The following OVCH1 variants were observed in gnomAD, a reference collection of about 807,000 sequenced individuals.
The protein encoded by OVCH1 is ovochymase 1, also known as ovochymase-1.
Under a neutral mutation model 138.4 loss-of-function variants are expected in OVCH1, and 139 were observed. The ratio of observed to expected loss-of-function variants is 1.00; its 90% CI spans 0.87 to 1.16. OVCH1 has a LOEUF of 1.16. OVCH1 is among the 50% of genes most tolerant of loss of function. The probability of loss-of-function intolerance (pLI) is 0.00; values close to 1 mark genes in which losing one functional copy is unlikely to be tolerated. For missense variants in OVCH1, 1,367 were observed against 1,357.9 expected, an observed-to-expected ratio of 1.01 and a Z score of -0.11; for synonymous variants, 453 against 467.8, an observed-to-expected ratio of 0.97 and a Z score of 0.41.
At chr12:29,420,483 C>CTTTTTTTTT (rs958610211) in intron 3 of OVCH1, among the ~76,000 whole-genome samples, 1 of 19,008 alleles carries the variant, frequency 5.3e-5, no homozygotes, top group African/African-American at 2.6e-4. Flanking sequence ...GAAAAAGCAG[C>CTTTTTTTTT]TTTTTTTTTT....
downstream of OVCH1, among the ~76,000 whole-genome samples, chr12:29,411,700 T>G (rs1483355636): frequency 3.3e-5 from 5 of 152,188 alleles, no homozygotes; most frequent in African/African-American, 1.2e-4. Flanking sequence ...GTGTGAAGTG[T>G]CAGTCTGCCC....
chr12:29,436,960 T>G (rs960743700), intron 26 of OVCH1, among the ~76,000 whole-genome samples: 2 of 152,176 alleles, frequency 1.3e-5, no homozygotes, highest in Non-Finnish European at 2.9e-5. Context: ...CAGCTTTTAT[T>G]CCCTTATCTG....
At chr12:29,437,110 G>T (rs147942261) in intron 26 of OVCH1, among the ~76,000 whole-genome samples, 3 of 152,098 alleles carry the variant, frequency 2.0e-5, no homozygotes, top group African/African-American at 7.2e-5. Context: ...GTGCTCATTG[G>T]TGCGTTTACA....
downstream of OVCH1, among the ~76,000 whole-genome samples, chr12:29,410,706 G>T (rs1301856000): frequency 6.6e-6 from 1 of 151,782 alleles, no homozygotes; most frequent in Non-Finnish European, 1.5e-5. Context: ...GCTTCCCTTT[G>T]TGGGTAACCC....
chr12:29,416,614 A>G (rs934475458), intron 3 of OVCH1, among the ~76,000 whole-genome samples: 1 of 152,120 alleles, frequency 6.6e-6, no homozygotes, highest in Admixed American at 6.5e-5. Flanking sequence ...CTACACACCT[A>G]TCAGAATGGC....
downstream of OVCH1, chr12:29,427,429 A>G: frequency 8.5e-7 from 1 of 1,178,404 alleles, no homozygotes; most frequent in Non-Finnish European, 1.2e-6. Context: ...GAAAAGGTTA[A>G]GGAAGGCTAT....
chr12:29,409,831 G>T (rs1174190457), downstream of OVCH1, among the ~76,000 whole-genome samples: 2 of 152,066 alleles, frequency 1.3e-5, no homozygotes. Context: ...GGTCTGCTTG[G>T]TGCAGAGCTG....
chr12:29,459,669 A>C (rs1214106830), intron 19 of OVCH1, among the ~76,000 whole-genome samples: 1 of 148,660 alleles, frequency 6.7e-6, no homozygotes, highest in African/African-American at 2.5e-5. Context: ...TAAATGCTTG[A>C]AGTGATGTGT....
intron 27 of OVCH1, among the ~76,000 whole-genome samples, chr12:29,431,616 T>C (rs1024684068): frequency 1.3e-5 from 2 of 152,204 alleles, no homozygotes; most frequent in African/African-American, 4.8e-5. Context: ...AACTACCTCA[T>C]ATAAATTATA....
At chr12:29,413,731 G>A (rs569546502) in intron 3 of OVCH1, among the ~76,000 whole-genome samples, 1 of 151,540 alleles carries the variant, frequency 6.6e-6, no homozygotes, top group East Asian at 1.9e-4. Context: ...TGATTTAGAC[G>A]TTTACATACT....
chr12:29,421,805 A>T (rs1461013111), intron 3 of OVCH1, among the ~76,000 whole-genome samples: 1 of 152,164 alleles, frequency 6.6e-6, no homozygotes, highest in Non-Finnish European at 1.5e-5. Flanking sequence ...ATACACAAAA[A>T]TTTGAGAATT....
At chr12:29,487,479 C>A in intron 7 of OVCH1, 1 of 442,106 alleles carries the variant, frequency 2.3e-6, no homozygotes, top group Non-Finnish European at 3.9e-6. Context: ...AAAAAGGCAT[C>A]TCATGAAAAT....
chr12:29,489,412 G>T lies in OVCH1; in HGVS notation c.702+208C>A, dbSNP rs531542347. On this transcript the variant is annotated intron_variant, in intron 6 of 27. Transcript: ENST00000318184. ...TTGCCAACCCACCGAAATAAAAGAA[G>T]TGTAGGGGTAGGAATGGACGTGGAG... Among the ~76,000 whole-genome samples the T allele has an allele frequency of 2.6e-5, 4 of 152,328 alleles. No homozygotes were observed. In the South Asian group the frequency reaches 8.3e-4, roughly 32 times the overall value.
chr12:29,454,722 C>T (rs1452363777), intron 21 of OVCH1, 119 bp downstream of exon 21: 3 of 841,258 alleles, frequency 3.6e-6, no homozygotes, highest in South Asian at 4.2e-5. Flanking sequence ...AAACTACCAA[C>T]CAGAAGGAAA....
At chr12:29,471,497 A>G (rs1942505743) in intron 16 of OVCH1, among the ~76,000 whole-genome samples, 1 of 152,216 alleles carries the variant, frequency 6.6e-6, no homozygotes, top group African/African-American at 2.4e-5. Flanking sequence ...GGAGTCTTCA[A>G]ATATAGAAAG....
At chr12:29,446,349 A>G (rs1280641181) in intron 22 of OVCH1, among the ~76,000 whole-genome samples, 1 of 152,180 alleles carries the variant, frequency 6.6e-6, no homozygotes, top group Non-Finnish European at 1.5e-5. Context: ...GTGAAATACT[A>G]TTTGAAGAAT....
At chr12:29,427,695 TTTGTTATAGCAGC>T (rs1376733768) in intron 27 of OVCH1, 2 of 1,538,326 alleles carry the variant, frequency 1.3e-6, no homozygotes, top group African/African-American at 1.4e-5. Flanking sequence ...GTCTATGGTA[TTTGTTATAGCAGC>T]TTGAATGGGG....
exon 5 of OVCH1, chr12:29,491,167 A>C: frequency 6.2e-7 from 1 of 1,613,696 alleles, no homozygotes; most frequent in Non-Finnish European, 8.5e-7. Flanking sequence ...CGCTGTCAGG[A>C]AGACAGATTG....
intron 27 of OVCH1, among the ~76,000 whole-genome samples, chr12:29,432,065 C>T (rs1255937541): frequency 1.3e-5 from 2 of 152,160 alleles, no homozygotes; most frequent in Non-Finnish European, 2.9e-5. Flanking sequence ...TAGCAGAGGG[C>T]ATGCTTGCTG....
Sources: gnomAD v4.1 joint callset for allele counts (sites outside exome capture counted in the v4.1 genomes callset) on GRCh38, gnomAD v4.1.1 for gene constraint, MANE v1.5 for transcripts, NCBI Gene and HGNC (gene_info 2026-07-23, HGNC 2026-07-21) for gene names.